GPR158: variants seen among roughly 807,000 people sequenced by gnomAD.
The protein encoded by GPR158 is metabotropic glycine receptor.
GPR158 carries 30 observed loss-of-function variants against 78.2 expected under a neutral mutation model. The observed-to-expected ratio is 0.38, with a 90% CI of 0.29 to 0.52. GPR158 has a LOEUF of 0.52. Ranked by LOEUF, GPR158 falls within the 20% of genes least tolerant of loss-of-function variation. The probability of loss-of-function intolerance (pLI) is 0.83; values close to 1 mark genes in which losing one functional copy is unlikely to be tolerated. For missense variants in GPR158, 1,463 were observed against 1,523.5 expected (o/e 0.96, Z 0.66); for synonymous variants, 581 against 591.1 (o/e 0.98, Z 0.25).
chr10:25,314,156 A>G (rs1253866546), intron 2 of GPR158, among the ~76,000 whole-genome samples: 2 of 152,150 alleles, frequency 1.3e-5, no homozygotes, highest in Non-Finnish European at 2.9e-5. Context: ...GCTGGAGTGC[A>G]GTGGCACAAT....
intron 2 of GPR158, among the ~76,000 whole-genome samples, chr10:25,304,369 G>A (rs1489602381): frequency 6.6e-6 from 1 of 152,098 alleles, no homozygotes; most frequent in Non-Finnish European, 1.5e-5. Flanking sequence ...GAAAGTTGAA[G>A]AGAGGTAAGA....
intron 2 of GPR158, among the ~76,000 whole-genome samples, chr10:25,330,851 A>G (rs545833256): frequency 1.3e-5 from 2 of 151,910 alleles, no homozygotes; most frequent in African/African-American, 2.4e-5. Flanking sequence ...TCACAACTGC[A>G]TAATACAATG....
Position 25,292,826 on chromosome 10 carries a change from A to G in GPR158, c.1008+71669A>G, listed in dbSNP as rs111841584. On this transcript the variant is annotated intron_variant, in intron 2 of 10. Coordinates refer to ENST00000376351, the MANE Select transcript of GPR158 (RefSeq NM_020752.3). The stretch of plus-strand genomic sequence containing the variant: ...TCCTGGTTAGACATGTATTTTCTAC[A>G]AGAATAATTTATTATTTGCTACCAA... Among the ~76,000 whole-genome samples, 1,507 of 152,280 alleles carry G rather than the reference A, an allele frequency of 9.9e-3. 26 individuals are homozygous for G. Among genetic ancestry groups the G allele is most frequent in the African/African-American group, 0.033 (1,390 of 41,552 alleles).
chr10:25,373,249 A>T (rs1027355193), intron 2 of GPR158, among the ~76,000 whole-genome samples: 1 of 151,854 alleles, frequency 6.6e-6, no homozygotes, highest in East Asian at 1.9e-4. Context: ...TAACACATGG[A>T]CACAAATTGG....
chr10:25,390,770 A>C lies in GPR158; in HGVS notation c.1009-5141A>C, dbSNP rs1420583657. Among the ~76,000 whole-genome samples the C allele has an allele frequency of 2.6e-5, 4 of 152,282 alleles. No homozygotes were observed. In the East Asian group the frequency reaches 7.7e-4, roughly 29 times the overall value. The stretch of plus-strand genomic sequence containing the variant: ...CTGAGAAGAAATTCTAGCTGGCTGC[A>C]GAAATTTACATAAGTAACAAGGAAA... On this transcript the variant is annotated intron_variant, in intron 2 of 10. Coordinates refer to ENST00000376351, the MANE Select transcript of GPR158 (RefSeq NM_020752.3).
At chr10:25,181,873 A>G (rs1383889664) in intron 1 of GPR158, among the ~76,000 whole-genome samples, 1 of 151,900 alleles carries the variant, frequency 6.6e-6, no homozygotes, top group Non-Finnish European at 1.5e-5. Context: ...CCGAGCCACC[A>G]TGCTTGGCTC....
intron 2 of GPR158, among the ~76,000 whole-genome samples, chr10:25,264,904 A>G (rs577662303): frequency 1.3e-5 from 2 of 152,316 alleles, no homozygotes; most frequent in African/African-American, 4.8e-5. Context: ...TAATATTTCT[A>G]GAAGCCTAAC....
At chr10:25,584,662 TTAA>T (rs1464398267) in intron 7 of GPR158, among the ~76,000 whole-genome samples, 7 of 152,242 alleles carry the variant, frequency 4.6e-5, no homozygotes, top group Non-Finnish European at 1.0e-4. Context: ...CTAGTGGTAC[TTAA>T]TAATACTTAT....
chr10:25,469,566 T>C (rs12778509), intron 5 of GPR158, among the ~76,000 whole-genome samples: 34,082 of 151,808 alleles, frequency 0.22, 4,960 homozygotes, highest in African/African-American at 0.41. Context: ...GGGTGGATCA[T>C]GAGGTCAGGA....
intron 5 of GPR158, among the ~76,000 whole-genome samples, chr10:25,515,428 T>C (rs920675644): frequency 6.6e-6 from 1 of 150,826 alleles, no homozygotes; most frequent in Non-Finnish European, 1.5e-5. Context: ...TGCAGGTTAG[T>C]TACATATGTA....
chr10:25,231,476 A>T (rs1318522865), intron 2 of GPR158, among the ~76,000 whole-genome samples: 1 of 152,200 alleles, frequency 6.6e-6, no homozygotes, highest in East Asian at 1.9e-4. Context: ...CTCCTGAATG[A>T]CACTGCTTTT....
At chr10:25,185,725 A>G (rs1006670932) in intron 1 of GPR158, among the ~76,000 whole-genome samples, 2 of 152,160 alleles carry the variant, frequency 1.3e-5, no homozygotes, top group African/African-American at 4.8e-5. Context: ...CGAGAGGCTG[A>G]GGCAGGAGAA....
chr10:25,428,862 T>A (rs951125711), intron 4 of GPR158, among the ~76,000 whole-genome samples: 2 of 152,098 alleles, frequency 1.3e-5, no homozygotes, highest in Non-Finnish European at 2.9e-5. Flanking sequence ...TTCAGATGTA[T>A]ATATGAAGAA....
At chr10:25,232,690 G>T (rs1853465740) in intron 2 of GPR158, among the ~76,000 whole-genome samples, 1 of 152,104 alleles carries the variant, frequency 6.6e-6, no homozygotes, top group Non-Finnish European at 1.5e-5. Flanking sequence ...GGGTGTTGAT[G>T]ATACAAGCAG....
intron 4 of GPR158, among the ~76,000 whole-genome samples, chr10:25,460,893 C>T (rs1835350576): frequency 6.6e-6 from 1 of 152,160 alleles, no homozygotes; most frequent in African/African-American, 2.4e-5. Context: ...GTAATTCTTG[C>T]AATATTTCAG....
intron 3 of GPR158, among the ~76,000 whole-genome samples, chr10:25,402,866 C>T (rs911137910): frequency 7.9e-5 from 12 of 151,722 alleles, no homozygotes; most frequent in African/African-American, 2.9e-4. Context: ...AGCTAAAATT[C>T]ACTTACCAAA....
At chr10:25,383,612 T>C (rs1303016710) in intron 2 of GPR158, among the ~76,000 whole-genome samples, 1 of 152,206 alleles carries the variant, frequency 6.6e-6, no homozygotes, top group African/African-American at 2.4e-5. Flanking sequence ...TTTGTAAAAA[T>C]TGTAACAGGT....
intron 2 of GPR158, among the ~76,000 whole-genome samples, chr10:25,290,045 A>G (rs1221420729): frequency 6.6e-6 from 1 of 152,152 alleles, no homozygotes; most frequent in Non-Finnish European, 1.5e-5. Context: ...ACAGTTAGTG[A>G]CCCTATGAGG....
intron 2 of GPR158, among the ~76,000 whole-genome samples, chr10:25,238,224 A>G (rs1205016290): frequency 6.6e-6 from 1 of 152,104 alleles, no homozygotes; most frequent in Non-Finnish European, 1.5e-5. Context: ...TCTTCACTCC[A>G]TATCCTCCCT....
Sources: allele counts gnomAD v4.1 joint callset (sites outside exome capture counted in the v4.1 genomes callset), GRCh38; gene constraint gnomAD v4.1.1; transcripts MANE v1.5; gene names NCBI Gene and HGNC (gene_info 2026-07-23, HGNC 2026-07-21).